The following SPRED2 variants were observed in gnomAD, a reference collection of about 807,000 sequenced individuals.
SPRED2 encodes sprouty-related, EVH1 domain-containing protein 2.
A neutral mutation model predicts 43.0 loss-of-function variants in SPRED2; 47 were observed. That is an observed-to-expected ratio of 1.09 (90% CI 0.87 to 1.40). The LOEUF is 1.40. Among genes scored for constraint, SPRED2 ranks in the 40% most tolerant of loss-of-function variants. SPRED2 has a pLI of 0.00. For synonymous variants in SPRED2, 225 were observed against 225.7 expected, an observed-to-expected ratio of 1.00 and a Z score of 0.03; for missense variants, 561 against 586.4, an observed-to-expected ratio of 0.96 and a Z score of 0.45.
chr2:65,313,331 C>A lies in SPRED2; in HGVS notation c.*170G>T. On this transcript the variant is annotated 3_prime_UTR_variant, in exon 6 of 6. Transcript: ENST00000356388. Reference sequence around the variant, plus strand: ...GTGGGCGGCAGGGGGAGTGGAGAGTCTACCCGGCAGCGTCCCTGGCTGGAA... The same window carrying A: ...GTGGGCGGCAGGGGGAGTGGAGAGTATACCCGGCAGCGTCCCTGGCTGGAA... 1 of 1,456,386 alleles carries A rather than the reference C, an allele frequency of 6.9e-7. No homozygotes were observed. Among genetic ancestry groups the A allele is most frequent in the Non-Finnish European group, 9.0e-7 (1 of 1,112,524 alleles). 90.2% of individuals were successfully genotyped at this position (1,456,386 alleles called of 1,614,324 possible).
intron 1 of SPRED2, among the ~76,000 whole-genome samples, chr2:65,404,139 G>C (rs376424022): frequency 2.4e-4 from 36 of 151,844 alleles, no homozygotes; most frequent in African/African-American, 8.7e-4. Context: ...CCAGGAGACG[G>C]AGATTGCAGT....
chr2:65,313,770 GC>G lies in SPRED2; in HGVS notation c.987del (p.Asp331ThrfsTer3). 6.2e-7 allele frequency: 1 copy of G among 1,614,204 alleles called. No individual in the cohort carries two copies. Among genetic ancestry groups the G allele is most frequent in the Non-Finnish European group, 8.5e-7 (1 of 1,180,036 alleles). On this transcript the variant is annotated frameshift_variant, in exon 6 of 6. Transcript: ENST00000356388. LOFTEE classifies it high-confidence loss of function. ...EENRRGHCQD[A>X]PDSVRTCIRR... Reference sequence around the variant, plus strand: ...CGGATGCAAGTTCTCACGGAGTCGGGCGCGTCCTGGCAGTGGCCCCGGCGGT... The same window carrying G: ...CGGATGCAAGTTCTCACGGAGTCGGGGCGTCCTGGCAGTGGCCCCGGCGGT...
At chr2:65,354,661 C>A (rs1286770931) in intron 1 of SPRED2, among the ~76,000 whole-genome samples, 2 of 148,490 alleles carry the variant, frequency 1.3e-5, no homozygotes, top group Non-Finnish European at 3.0e-5. Context: ...TTTTTTAAAT[C>A]TTTTCAGCAT....
intron 1 of SPRED2, among the ~76,000 whole-genome samples, chr2:65,431,380 C>G (rs1166848631): frequency 1.3e-5 from 2 of 151,412 alleles, no homozygotes; most frequent in Admixed American, 6.6e-5. Context: ...CTCCAGCACG[C>G]CGGCCCGCGC....
intron 1 of SPRED2, among the ~76,000 whole-genome samples, chr2:65,392,875 G>A (rs1181500021): frequency 2.0e-5 from 3 of 152,154 alleles, no homozygotes. Flanking sequence ...TGTTGAGAGT[G>A]GCAAGGATGA....
chr2:65,339,532 C>T (rs578109779), intron 2 of SPRED2, among the ~76,000 whole-genome samples: 1 of 150,444 alleles, frequency 6.6e-6, no homozygotes, highest in Admixed American at 6.6e-5. Flanking sequence ...AGGCAGCATG[C>T]TCGTTAAGAG....
intron 4 of SPRED2, among the ~76,000 whole-genome samples, chr2:65,328,370 G>A (rs997877131): frequency 7.2e-5 from 11 of 152,154 alleles, no homozygotes; most frequent in Non-Finnish European, 1.0e-4. Context: ...GTTGGATAAC[G>A]ATTTCCTTTT....
At chr2:65,323,889 C>A (rs761932070) in intron 4 of SPRED2, among the ~76,000 whole-genome samples, 5 of 151,878 alleles carry the variant, frequency 3.3e-5, no homozygotes, top group Non-Finnish European at 7.4e-5. Context: ...AAAATCCATC[C>A]CTTCCCAGAA....
chr2:65,401,973 A>ACACACACACACAC (rs770117392), intron 1 of SPRED2, among the ~76,000 whole-genome samples: 1 of 148,352 alleles, frequency 6.7e-6, no homozygotes, highest in Non-Finnish European at 1.5e-5. Flanking sequence ...ACACACACAC[A>ACACACACACACAC]CCTGTTAATT....
At chr2:65,359,691 A>T (rs1322086719) in intron 1 of SPRED2, among the ~76,000 whole-genome samples, 1 of 152,132 alleles carries the variant, frequency 6.6e-6, no homozygotes, top group Non-Finnish European at 1.5e-5. Context: ...GCACTGTGGG[A>T]GGCTGAGGCG....
At chr2:65,418,431 C>T (rs1038750298) in intron 1 of SPRED2, among the ~76,000 whole-genome samples, 17 of 152,186 alleles carry the variant, frequency 1.1e-4, no homozygotes, top group African/African-American at 4.1e-4. Context: ...CTGTCTCCTC[C>T]CCTAAATACT....
chr2:65,390,438 A>G (rs1356553097), intron 1 of SPRED2, among the ~76,000 whole-genome samples: 1 of 152,066 alleles, frequency 6.6e-6, no homozygotes, highest in Admixed American at 6.6e-5. Context: ...TGGCGTGGGG[A>G]GTAACAGCAT....
chr2:65,333,797 T>C (rs556936350), intron 3 of SPRED2, among the ~76,000 whole-genome samples: 1 of 152,332 alleles, frequency 6.6e-6, no homozygotes, highest in Admixed American at 6.5e-5. Flanking sequence ...TTGCTTTTTT[T>C]CCTCTTCCCC....
intron 1 of SPRED2, among the ~76,000 whole-genome samples, chr2:65,376,474 G>T: frequency 6.6e-6 from 1 of 152,084 alleles, no homozygotes; most frequent in South Asian, 2.1e-4. Flanking sequence ...GTTCTGTATA[G>T]GTATCATATT....
At chr2:65,417,227 G>A (rs1463841871) in intron 1 of SPRED2, among the ~76,000 whole-genome samples, 5 of 152,160 alleles carry the variant, frequency 3.3e-5, no homozygotes, top group South Asian at 2.1e-4. Flanking sequence ...CTGGAGCAGC[G>A]GGGGAAGAAC....
In SPRED2 at chr2:65,344,766, C is replaced by T; in HGVS notation, c.157G>A (p.Gly53Arg). 1.2e-6 allele frequency: 2 copies of T among 1,614,214 alleles called. No individual in the cohort carries two copies. Among genetic ancestry groups the T allele is most frequent in the Non-Finnish European group, 1.7e-6 (2 of 1,180,034 alleles). ...CCATGGATGAGAAAGCCGCTTCGTCCATTGCCTTCGGGGTGCATGACCTTA... is the reference window on the plus strand; with the variant it reads ...CCATGGATGAGAAAGCCGCTTCGTCTATTGCCTTCGGGGTGCATGACCTTA... The part of the protein sequence containing the change: ...VCKVMHPEGN[G>R]RSGFLIHGER... The change falls in exon 2 of 6, where the codon GGA becomes AGA. Residue 53 changes from glycine (G) to arginine (R), a missense_variant. By Grantham distance (125) the Gly-to-Arg change is moderately radical. Transcript: ENST00000356388.
At chr2:65,367,466 A>T (rs1318232717) in intron 1 of SPRED2, among the ~76,000 whole-genome samples, 1 of 151,332 alleles carries the variant, frequency 6.6e-6, no homozygotes, top group East Asian at 1.9e-4. Context: ...AAATGTTTTT[A>T]AAAATTAAAA....
At position 65,311,155 on chromosome 2, in the gene SPRED2, T is replaced by C; in HGVS notation, c.*2346A>G. 2 of 985,792 alleles carry C rather than the reference T, an allele frequency of 2.0e-6. No homozygotes were observed. Among genetic ancestry groups the C allele is most frequent in the Non-Finnish European group, 2.4e-6 (2 of 829,918 alleles). 61.1% of individuals were successfully genotyped at this position (985,792 alleles called of 1,614,324 possible). A position where few individuals can be genotyped will look rare whatever the true frequency, so the allele number is the denominator to read the frequency against. On this transcript the variant is annotated 3_prime_UTR_variant, in exon 6 of 6. Coordinates refer to ENST00000356388, the MANE Select transcript of SPRED2 (RefSeq NM_181784.3). ...TTGGTTAATGTTTTGTTACCACAGA[T>C]ACAAAAATAAAATCTGAATAATTTC...
At chr2:65,359,944 A>G (rs1219645832) in intron 1 of SPRED2, among the ~76,000 whole-genome samples, 1 of 151,946 alleles carries the variant, frequency 6.6e-6, no homozygotes, top group Non-Finnish European at 1.5e-5. Context: ...GTGTGCCTGT[A>G]GTCCCAGCTA....
Sources: gnomAD v4.1 joint callset for allele counts (sites outside exome capture counted in the v4.1 genomes callset) on GRCh38, gnomAD v4.1.1 for gene constraint, MANE v1.5 for transcripts, NCBI Gene and HGNC (gene_info 2026-07-23, HGNC 2026-07-21) for gene names.